FGF12: variants seen among roughly 807,000 people sequenced by gnomAD.
FGF12 encodes fibroblast growth factor 12, also known as fibroblast growth factor 12B.
Under a neutral mutation model 23.6 loss-of-function variants are expected in FGF12, and 14 were observed. That is an observed-to-expected ratio of 0.59 (90% CI 0.39 to 0.93). The LOEUF (loss-of-function observed/expected upper bound fraction) is 0.93. FGF12 is among the 40% of genes least tolerant of loss of function. FGF12 has a pLI of 0.00. For missense variants in FGF12, 175 were observed against 217.8 expected (o/e 0.80, Z 1.24); for synonymous variants, 62 against 77.3 (o/e 0.80, Z 1.04).
chr3:192,339,883 A>T (rs1258179045), intron 3 of FGF12, among the ~76,000 whole-genome samples: 2 of 152,188 alleles, frequency 1.3e-5, no homozygotes, highest in Non-Finnish European at 2.9e-5. Flanking sequence ...AGCTTTATTA[A>T]ATAAATGTTA....
intron 2 of FGF12, among the ~76,000 whole-genome samples, chr3:192,580,583 A>C (rs752985540): frequency 1.8e-4 from 28 of 152,074 alleles, no homozygotes; most frequent in Non-Finnish European, 3.5e-4. Context: ...CTTCTCAATA[A>C]AGAGATTTTT....
At chr3:192,680,360 A>C (rs558146146) in intron 2 of FGF12, among the ~76,000 whole-genome samples, 3 of 152,340 alleles carry the variant, frequency 2.0e-5, no homozygotes, top group Admixed American at 2.0e-4. Context: ...CCAGGACACA[A>C]GGGGAAAGAG....
In FGF12 at chr3:192,268,194, C is replaced by A. The variant is rs1211738424; in HGVS notation, c.228+67167G>T. Reference sequence around the variant, plus strand: ...GCATCATAGGCTAGAGGATTACAAACTGATTACCCAGACTGCACTTCTCTG... The same window carrying A: ...GCATCATAGGCTAGAGGATTACAAAATGATTACCCAGACTGCACTTCTCTG... On this transcript the variant is annotated intron_variant, in intron 4 of 5. Transcript: ENST00000445105. Among the ~76,000 whole-genome samples the A allele has an allele frequency of 3.9e-5, 6 of 152,172 alleles. No individual in the cohort carries two copies. The East Asian group carries it at 1.2e-3, about 29-fold the overall frequency.
chr3:192,501,977 A>C (rs1360136179), intron 2 of FGF12, among the ~76,000 whole-genome samples: 3 of 152,230 alleles, frequency 2.0e-5, no homozygotes, highest in African/African-American at 7.2e-5. Flanking sequence ...CCAAACCTAA[A>C]ACATTCAACT....
In FGF12 at chr3:192,141,127, CCA is replaced by C. The variant is rs1491186128; in HGVS notation, c.*2880_*2881del. ...TCCTGGGAAAAATCCCAATGCAACT[CCA>C]AAAAAAAAAAAAAAAAAAAAAAAAA... On this transcript the variant is annotated 3_prime_UTR_variant, in exon 6 of 6. Coordinates refer to ENST00000445105, the MANE Select transcript of FGF12 (RefSeq NM_004113.6). 2.3e-4 allele frequency: 5 copies of C among 21,860 alleles called. No individual in the cohort carries two copies. Among genetic ancestry groups the C allele is most frequent in the African/African-American group, 4.3e-4 (2 of 4,616 alleles). 1.4% of individuals were successfully genotyped at this position (21,860 alleles called of 1,614,324 possible).
chr3:192,197,169 C>A (rs1203858100), intron 4 of FGF12, among the ~76,000 whole-genome samples: 1 of 152,066 alleles, frequency 6.6e-6, no homozygotes, highest in East Asian at 1.9e-4. Context: ...TTCTATAAGT[C>A]TTTCTGGAAA....
intron 3 of FGF12, among the ~76,000 whole-genome samples, chr3:192,352,486 C>T (rs12487104): frequency 0.53 from 80,716 of 152,140 alleles, 23,056 homozygotes; most frequent in East Asian, 0.84. Context: ...AGGGACTAGA[C>T]ATTTTATGAA....
chr3:192,497,661 C>T (rs926601238), intron 2 of FGF12, among the ~76,000 whole-genome samples: 1 of 152,192 alleles, frequency 6.6e-6, no homozygotes. Context: ...TTTCCACCTG[C>T]TGTTCCTTCC....
intron 2 of FGF12, among the ~76,000 whole-genome samples, chr3:192,669,549 A>G (rs1172845500): frequency 6.9e-6 from 1 of 144,072 alleles, no homozygotes; most frequent in Admixed American, 7.3e-5. Flanking sequence ...GGTTGCAGTG[A>G]GCCGAAATTG....
At chr3:192,411,818 A>C (rs1280472127) in intron 2 of FGF12, among the ~76,000 whole-genome samples, 4 of 152,216 alleles carry the variant, frequency 2.6e-5, no homozygotes, top group Non-Finnish European at 4.4e-5. Context: ...GGACTTGAGG[A>C]AATTATTGCT....
chr3:192,469,811 G>A, intron 2 of FGF12, among the ~76,000 whole-genome samples: 1 of 152,198 alleles, frequency 6.6e-6, no homozygotes, highest in East Asian at 1.9e-4. Flanking sequence ...GCAATAAACT[G>A]AACCTGGATA....
intron 2 of FGF12, among the ~76,000 whole-genome samples, chr3:192,439,219 A>G (rs899460327): frequency 6.6e-6 from 1 of 152,216 alleles, no homozygotes; most frequent in Non-Finnish European, 1.5e-5. Flanking sequence ...TCAGAAATTC[A>G]CTGACCTAGC....
At chr3:192,270,453 G>T (rs1252537563) in intron 4 of FGF12, among the ~76,000 whole-genome samples, 3 of 151,920 alleles carry the variant, frequency 2.0e-5, no homozygotes, top group Non-Finnish European at 2.9e-5. Context: ...ACTAAGAAGA[G>T]AAAAAGAAAA....
chr3:192,416,771 A>G (rs1360180205), intron 2 of FGF12, among the ~76,000 whole-genome samples: 7 of 152,158 alleles, frequency 4.6e-5, no homozygotes, highest in Non-Finnish European at 8.8e-5. Flanking sequence ...GCCTAGTATT[A>G]GCCACTAATC....
At chr3:192,230,380 T>C (rs1357138596) in intron 4 of FGF12, among the ~76,000 whole-genome samples, 2 of 152,188 alleles carry the variant, frequency 1.3e-5, no homozygotes, top group African/African-American at 4.8e-5. Context: ...TCTTGATGTA[T>C]TTGTTTTTTG....
intron 2 of FGF12, among the ~76,000 whole-genome samples, chr3:192,618,081 G>T (rs566030647): frequency 6.6e-6 from 1 of 152,210 alleles, no homozygotes; most frequent in East Asian, 1.9e-4. Flanking sequence ...AAATCGCTTG[G>T]AATGGAAGTA....
At chr3:192,667,835 A>T (rs1024033809) in intron 2 of FGF12, among the ~76,000 whole-genome samples, 6 of 152,094 alleles carry the variant, frequency 3.9e-5, no homozygotes, top group African/African-American at 9.7e-5. Flanking sequence ...ACATCATGTT[A>T]TGTTGTTAGT....
chr3:192,653,592 T>C (rs922313616), intron 2 of FGF12, among the ~76,000 whole-genome samples: 1 of 152,210 alleles, frequency 6.6e-6, no homozygotes, highest in Non-Finnish European at 1.5e-5. Context: ...ATATCCAAAT[T>C]AGTTCCTGTA....
At chr3:192,303,485 G>T (rs1189507668) in intron 4 of FGF12, among the ~76,000 whole-genome samples, 2 of 152,158 alleles carry the variant, frequency 1.3e-5, no homozygotes, top group Non-Finnish European at 2.9e-5. Flanking sequence ...TAAGTGCAAT[G>T]ACATCTCATT....
Sources: allele counts gnomAD v4.1 joint callset (sites outside exome capture counted in the v4.1 genomes callset), GRCh38; gene constraint gnomAD v4.1.1; transcripts MANE v1.5; gene names NCBI Gene and HGNC (gene_info 2026-07-23, HGNC 2026-07-21).